The following RBPJ variants were observed in gnomAD, a reference collection of about 807,000 sequenced individuals.
The protein encoded by RBPJ is recombining binding protein suppressor of hairless.
RBPJ carries 9 observed loss-of-function variants against 67.8 expected under a neutral mutation model. The ratio of observed to expected loss-of-function variants is 0.13; its 90% CI spans 0.08 to 0.23. RBPJ has a LOEUF of 0.23. RBPJ is among the 10% of genes least tolerant of loss of function. The probability of loss-of-function intolerance (pLI) is 1.00; values close to 1 mark genes in which losing one functional copy is unlikely to be tolerated. For synonymous variants in RBPJ, 198 were observed against 203.3 expected, an observed-to-expected ratio of 0.97 and a Z score of 0.22; for missense variants, 305 against 595.6, an observed-to-expected ratio of 0.51 and a Z score of 5.08.
chr4:26,324,401 AGTGT>A (rs56655194), intron 1 of RBPJ, among the ~76,000 whole-genome samples: 4,465 of 149,770 alleles, frequency 0.03, 100 homozygotes, highest in African/African-American at 0.057. Context: ...GTCGTGTGTG[AGTGT>A]GTGTGTGTGT....
intron 1 of RBPJ, among the ~76,000 whole-genome samples, chr4:26,192,844 C>A (rs139951550): frequency 1.3e-5 from 2 of 152,292 alleles, no homozygotes; most frequent in African/African-American, 4.8e-5. Flanking sequence ...ATCCTAGTCA[C>A]CAGAACCTGC....
At chr4:26,368,003 T>A (rs1728794654) in intron 1 of RBPJ, 1 of 152,224 alleles carries the variant, frequency 6.6e-6, no homozygotes, top group East Asian at 1.9e-4. Flanking sequence ...AAAGATAATA[T>A]GCATAATTCA....
intron 1 of RBPJ, among the ~76,000 whole-genome samples, chr4:26,364,621 TTTTC>T (rs1728429102): frequency 6.7e-6 from 1 of 148,416 alleles, no homozygotes. Flanking sequence ...TTCTTTTTCA[TTTTC>T]TTTTTTTTTT....
At chr4:26,299,344 T>C (rs1028133980) in intron 1 of RBPJ, among the ~76,000 whole-genome samples, 1 of 152,186 alleles carries the variant, frequency 6.6e-6, no homozygotes, top group African/African-American at 2.4e-5. Context: ...ATTTTTAATA[T>C]CAGTATTAAC....
chr4:26,132,094 G>A, the RBPJ span, among the ~76,000 whole-genome samples: 2 of 152,098 alleles, frequency 1.3e-5, no homozygotes, highest in Admixed American at 6.5e-5. Flanking sequence ...GACGGAAACT[G>A]GGCCACTGTG....
At chr4:26,384,197 G>C (rs2109618392) in intron 1 of RBPJ, among the ~76,000 whole-genome samples, 1 of 152,242 alleles carries the variant, frequency 6.6e-6, no homozygotes, top group Non-Finnish European at 1.5e-5. Flanking sequence ...AAATCAAGCA[G>C]AACTAATTAT....
intron 3 of RBPJ, among the ~76,000 whole-genome samples, chr4:26,409,257 C>T (rs1276996449): frequency 1.3e-5 from 2 of 151,936 alleles, no homozygotes; most frequent in Non-Finnish European, 2.9e-5. Context: ...GATAAGGTTC[C>T]TGTTTGTTAG....
the RBPJ span, among the ~76,000 whole-genome samples, chr4:26,121,102 T>C: frequency 6.9e-6 from 1 of 145,204 alleles, no homozygotes; most frequent in African/African-American, 2.5e-5. Context: ...TTTAGCAAAA[T>C]GATTGACTTC....
At chr4:26,142,065 GGCTCCGTCA>G in the RBPJ span, among the ~76,000 whole-genome samples, 2 of 152,244 alleles carry the variant, frequency 1.3e-5, no homozygotes, top group Non-Finnish European at 1.5e-5. Context: ...GTGGTTAAGT[GGCTCCGTCA>G]GCTCTTAGAA....
chr4:26,112,496 AC>A, the RBPJ span: 17 of 147,810 alleles, frequency 1.2e-4, no homozygotes, highest in African/African-American at 4.3e-4. Context: ...TTTTTGACCA[AC>A]CTTTTGAGTA....
intron 1 of RBPJ, among the ~76,000 whole-genome samples, chr4:26,370,615 T>A (rs1369639877): frequency 6.6e-6 from 1 of 152,214 alleles, no homozygotes; most frequent in African/African-American, 2.4e-5. Context: ...GGATTATCAC[T>A]TCCTTGAAGT....
At chr4:26,173,297 G>A (rs1233956938) in intron 1 of RBPJ, among the ~76,000 whole-genome samples, 2 of 151,986 alleles carry the variant, frequency 1.3e-5, no homozygotes, top group Admixed American at 6.6e-5. Context: ...CACCATGCCC[G>A]GCTAATTTTT....
At chr4:26,109,092 C>G in the RBPJ span, among the ~76,000 whole-genome samples, 1 of 143,078 alleles carries the variant, frequency 7.0e-6, no homozygotes. Flanking sequence ...GAATGTCTCT[C>G]TTGCCTTCCT....
At chr4:26,391,022 AC>A (rs1183003635) in intron 2 of RBPJ, among the ~76,000 whole-genome samples, 5 of 152,296 alleles carry the variant, frequency 3.3e-5, no homozygotes, top group Admixed American at 3.3e-4. Flanking sequence ...GTGCCTCTGC[AC>A]TCCAGCCTAG....
chr4:26,418,860 A>G (rs1045224522), intron 4 of RBPJ, among the ~76,000 whole-genome samples: 1 of 152,210 alleles, frequency 6.6e-6, no homozygotes, highest in Non-Finnish European at 1.5e-5. Context: ...GCTGTCTGTC[A>G]CTTTTAAGAG....
At chr4:26,275,841 G>A (rs565998283) in intron 1 of RBPJ, among the ~76,000 whole-genome samples, 2 of 151,804 alleles carry the variant, frequency 1.3e-5, no homozygotes, top group South Asian at 2.1e-4. Context: ...CATCTTGGCC[G>A]GGATGGTCTG....
chr4:26,182,597 C>T (rs918237554), intron 1 of RBPJ, among the ~76,000 whole-genome samples: 1 of 151,386 alleles, frequency 6.6e-6, no homozygotes, highest in East Asian at 2.0e-4. Flanking sequence ...GGGTTCAAGC[C>T]ACCCTCCTGT....
At chr4:26,207,628 G>T (rs914801179) in intron 1 of RBPJ, among the ~76,000 whole-genome samples, 1 of 152,208 alleles carries the variant, frequency 6.6e-6, no homozygotes, top group African/African-American at 2.4e-5. Context: ...CTCTCGTTTA[G>T]GCACTTGGGG....
At chr4:26,106,495 A>G in the RBPJ span, among the ~76,000 whole-genome samples, 2 of 152,296 alleles carry the variant, frequency 1.3e-5, no homozygotes, top group African/African-American at 2.4e-5. Context: ...TTATCATGGC[A>G]TATCACCTGG....
Sources: gnomAD v4.1 joint callset for allele counts (sites outside exome capture counted in the v4.1 genomes callset) on GRCh38, gnomAD v4.1.1 for gene constraint, MANE v1.5 for transcripts, NCBI Gene and HGNC (gene_info 2026-07-23, HGNC 2026-07-21) for gene names.